Variants in MAGI3 observed in about 807,000 individuals in gnomAD.
The protein encoded by MAGI3 is membrane associated guanylate kinase, WW and PDZ domain containing 3.
Under a neutral mutation model 121.8 loss-of-function variants are expected in MAGI3, and 43 were observed. The observed-to-expected ratio is 0.35, with a 90% CI of 0.28 to 0.46. The LOEUF is 0.46. Ranked by LOEUF, MAGI3 falls within the 20% of genes least tolerant of loss-of-function variation. The probability of loss-of-function intolerance (pLI) is 1.00; values close to 1 mark genes in which losing one functional copy is unlikely to be tolerated. For missense variants in MAGI3, 1,547 were observed against 1,797.3 expected, an observed-to-expected ratio of 0.86 and a Z score of 2.52; for synonymous variants, 553 against 639.3, an observed-to-expected ratio of 0.86 and a Z score of 2.04.
intron 15 of MAGI3, among the ~76,000 whole-genome samples, chr1:113,656,628 G>T (rs1479796054): frequency 3.3e-5 from 5 of 152,048 alleles, no homozygotes; most frequent in African/African-American, 1.2e-4. Context: ...TGTTGGCCAG[G>T]CTGGTCTCAA....
At chr1:113,411,360 G>C (rs889606388) in intron 1 of MAGI3, among the ~76,000 whole-genome samples, 5 of 151,608 alleles carry the variant, frequency 3.3e-5, no homozygotes, top group Admixed American at 6.6e-5. Context: ...TTAAATTACT[G>C]TTTTTAAGTC....
intron 1 of MAGI3, among the ~76,000 whole-genome samples, chr1:113,436,226 ATC>A (rs1315701035): frequency 3.3e-5 from 5 of 152,126 alleles, no homozygotes; most frequent in African/African-American, 4.8e-5. Context: ...TTTACAATTA[ATC>A]TCTCTTTACA....
intron 1 of MAGI3, among the ~76,000 whole-genome samples, chr1:113,527,613 TA>T (rs1174520834): frequency 6.6e-6 from 1 of 152,054 alleles, no homozygotes; most frequent in Non-Finnish European, 1.5e-5. Flanking sequence ...TTGAGGTGAG[TA>T]AAATGGGCAG....
intron 1 of MAGI3, among the ~76,000 whole-genome samples, chr1:113,492,986 A>G (rs1272653878): frequency 2.0e-5 from 3 of 152,196 alleles, no homozygotes; most frequent in Non-Finnish European, 4.4e-5. Context: ...TATAGATTCA[A>G]TGCTATTCCT....
At chr1:113,670,949 T>C (rs1410212206) in intron 16 of MAGI3, among the ~76,000 whole-genome samples, 1 of 152,236 alleles carries the variant, frequency 6.6e-6, no homozygotes, top group Non-Finnish European at 1.5e-5. Flanking sequence ...TGCTTTTATA[T>C]TTAAACATAA....
intron 1 of MAGI3, among the ~76,000 whole-genome samples, chr1:113,528,533 CAAT>C (rs1335209597): frequency 6.6e-6 from 1 of 152,006 alleles, no homozygotes; most frequent in Non-Finnish European, 1.5e-5. Context: ...ATCAGATTAG[CAAT>C]AATAAGTTTG....
chr1:113,550,186 G>C (rs1181231241), intron 2 of MAGI3, among the ~76,000 whole-genome samples: 1 of 151,064 alleles, frequency 6.6e-6, no homozygotes, highest in Non-Finnish European at 1.5e-5. Context: ...CGAGGCGGAC[G>C]GATCACTAGG....
At chr1:113,609,786 C>T (rs1044859008) in intron 6 of MAGI3, among the ~76,000 whole-genome samples, 1 of 151,988 alleles carries the variant, frequency 6.6e-6, no homozygotes, top group Admixed American at 6.6e-5. Context: ...CTTGATATGC[C>T]CAAAATAGTT....
chr1:113,595,497 G>T (rs1362784661), intron 6 of MAGI3, among the ~76,000 whole-genome samples: 1 of 149,436 alleles, frequency 6.7e-6, no homozygotes, highest in African/African-American at 2.5e-5. Flanking sequence ...GTTCACAGTA[G>T]TCCTCCTTGT....
chr1:113,642,422 T>C lies in MAGI3; in HGVS notation c.1872T>C (p.His624=). The C allele has an allele frequency of 2.5e-6, 4 of 1,614,148 alleles. No homozygotes were observed. Among genetic ancestry groups the C allele is most frequent in the Non-Finnish European group, 3.4e-6 (4 of 1,180,022 alleles). ...QKGDIIKEIY[H]QNVQNLTHLQ... ...GAGATATAATTAAGGAAATATACCA[T>C]CAAAATGTGCAGAATTTAACACATC... The change falls in exon 10 of 21, where the codon CAT becomes CAC. Residue 624 remains histidine (H), a synonymous_variant. Coordinates refer to ENST00000307546, the MANE Select transcript of MAGI3 (RefSeq NM_001142782.2).
chr1:113,423,035 G>C (rs899906803), intron 1 of MAGI3, among the ~76,000 whole-genome samples: 1 of 152,112 alleles, frequency 6.6e-6, no homozygotes, highest in Non-Finnish European at 1.5e-5. Context: ...TTGGTGAGCC[G>C]ACCAAGAATG....
chr1:113,608,472 A>G (rs1649925081), intron 6 of MAGI3, among the ~76,000 whole-genome samples: 1 of 152,166 alleles, frequency 6.6e-6, no homozygotes, highest in Admixed American at 6.5e-5. Flanking sequence ...CTGCATGTAC[A>G]TGGCCTTGCT....
chr1:113,602,940 A>T (rs894493817), intron 6 of MAGI3, among the ~76,000 whole-genome samples: 1 of 152,052 alleles, frequency 6.6e-6, no homozygotes, highest in African/African-American at 2.4e-5. Context: ...AATAAAAAAA[A>T]TCAAAGTGTG....
chr1:113,619,838 TTCTTTTCAA>T lies in MAGI3; in HGVS notation c.1171+16_1171+24del, dbSNP rs1374298162. The stretch of plus-strand genomic sequence containing the variant: ...TTGGGTCTTCAAAACCAGGTAAGCA[TTCTTTTCAA>T]TCTTTTCTTCTAAGAATAACTTGTG... On this transcript the variant is annotated intron_variant, in intron 8 of 20. Coordinates refer to ENST00000307546, the MANE Select transcript of MAGI3 (RefSeq NM_001142782.2). 6.3e-7 allele frequency: 1 copy of T among 1,581,570 alleles called. No individual in the cohort carries two copies. Among genetic ancestry groups the T allele is most frequent in the Non-Finnish European group, 8.7e-7 (1 of 1,153,208 alleles).
chr1:113,641,157 GATATATATAA>G, intron 9 of MAGI3, among the ~76,000 whole-genome samples: 1 of 81,138 alleles, frequency 1.2e-5, no homozygotes, highest in South Asian at 3.4e-4. Flanking sequence ...ATATATATGA[GATATATATAA>G]ATCTATATAT....
chr1:113,667,230 G>C (rs1364657289), intron 16 of MAGI3, among the ~76,000 whole-genome samples: 1 of 152,232 alleles, frequency 6.6e-6, no homozygotes, highest in Non-Finnish European at 1.5e-5. Context: ...GAAAGTCCTA[G>C]ATGGCATCTT....
At chr1:113,594,235 A>G (rs1648860221) in intron 5 of MAGI3, among the ~76,000 whole-genome samples, 1 of 152,204 alleles carries the variant, frequency 6.6e-6, no homozygotes, top group African/African-American at 2.4e-5. Context: ...CATACTTGGC[A>G]TTTTAGGCCT....
intron 6 of MAGI3, among the ~76,000 whole-genome samples, chr1:113,612,477 AAG>A (rs1171579182): frequency 5.3e-3 from 1 of 188 alleles, no homozygotes; most frequent in African/African-American, 0.021. Flanking sequence ...GGAAGGAAAA[AAG>A]AATAAAATGA....
intron 1 of MAGI3, among the ~76,000 whole-genome samples, chr1:113,522,708 T>A (rs1318038847): frequency 1.3e-5 from 2 of 152,214 alleles, no homozygotes; most frequent in African/African-American, 4.8e-5. Context: ...TAAGAGTGAA[T>A]AAGTATCCAC....
Sources: allele counts gnomAD v4.1 joint callset (sites outside exome capture counted in the v4.1 genomes callset), GRCh38; gene constraint gnomAD v4.1.1; transcripts MANE v1.5; gene names NCBI Gene and HGNC (gene_info 2026-07-23, HGNC 2026-07-21).